SIL1: variants seen among roughly 807,000 people sequenced by gnomAD.
SIL1 encodes the protein nucleotide exchange factor SIL1.
In SIL1, 40 loss-of-function variants were observed where a neutral mutation model predicts 49.1. That is an observed-to-expected ratio of 0.81 (90% confidence interval 0.63 to 1.06). The LOEUF (loss-of-function observed/expected upper bound fraction) is 1.06. Among genes scored for constraint, SIL1 ranks in the 50% least tolerant of loss-of-function variants. SIL1 has a pLI of 0.00. For synonymous variants in SIL1, 253 were observed against 250.8 expected (o/e 1.01, Z -0.08); for missense variants, 500 against 572.6 (o/e 0.87, Z 1.29).
intron 1 of SIL1, among the ~76,000 whole-genome samples, chr5:139,130,647 A>C (rs917133651): frequency 2.0e-5 from 3 of 152,234 alleles, no homozygotes. Flanking sequence ...CAAAGAATTG[A>C]AAACAGGGAC....
chr5:139,088,797 A>G (rs1184201596), intron 3 of SIL1, among the ~76,000 whole-genome samples: 2 of 152,138 alleles, frequency 1.3e-5, no homozygotes, highest in African/African-American at 2.4e-5. Flanking sequence ...AAACCTAACC[A>G]TTTTAGCCTA....
intron 7 of SIL1, among the ~76,000 whole-genome samples, chr5:138,969,458 C>T (rs902434257): frequency 2.6e-5 from 4 of 152,236 alleles, no homozygotes; most frequent in Non-Finnish European, 4.4e-5. Context: ...CTTTCCATGC[C>T]TCTGTCAGGT....
chr5:139,149,893 C>A (rs1751264459), intron 1 of SIL1, among the ~76,000 whole-genome samples: 1 of 152,064 alleles, frequency 6.6e-6, no homozygotes, highest in Non-Finnish European at 1.5e-5. Context: ...AGATAGAGTT[C>A]AAACACATAG....
At chr5:139,145,078 T>C (rs1751167154) in intron 1 of SIL1, among the ~76,000 whole-genome samples, 1 of 152,124 alleles carries the variant, frequency 6.6e-6, no homozygotes, top group African/African-American at 2.4e-5. Context: ...TGAAACAAAA[T>C]ATTTGCAAAT....
At chr5:138,982,345 A>G (rs1767545558) in intron 7 of SIL1, among the ~76,000 whole-genome samples, 1 of 152,102 alleles carries the variant, frequency 6.6e-6, no homozygotes, top group South Asian at 2.1e-4. Context: ...AATCCTCCCA[A>G]CCACCAGCAA....
At chr5:139,122,855 T>G (rs1750674351) in intron 2 of SIL1, among the ~76,000 whole-genome samples, 1 of 152,134 alleles carries the variant, frequency 6.6e-6, no homozygotes, top group Non-Finnish European at 1.5e-5. Flanking sequence ...ACCTGGGAGA[T>G]GTAATATGCA....
chr5:138,989,742 T>C (rs1183998640), intron 7 of SIL1, among the ~76,000 whole-genome samples: 1 of 152,174 alleles, frequency 6.6e-6, no homozygotes, highest in African/African-American at 2.4e-5. Flanking sequence ...TCACAGTTCA[T>C]AGTGAGTTAC....
Position 138,947,043 on chromosome 5 carries a change from G to A in SIL1, c.*74C>T. On this transcript the variant is annotated 3_prime_UTR_variant, in exon 10 of 10. Transcript: ENST00000394817. This position sits in a 1 kb window ranked among gnomAD's most constrained non-coding sequence, Gnocchi z 4.1. ...GCCAGCACTGCCAAGATGTCCTCCT[G>A]CCTGAGAAGCCCACCCACGCTGGCA... The A allele has an allele frequency of 8.7e-7, 1 of 1,156,032 alleles. No individual in the cohort carries two copies. The highest frequency in any genetic ancestry group is 1.3e-6 in the Non-Finnish European group (1 of 782,244). The allele number at this position is 1,156,032 out of a possible 1,614,324, so 71.6% of individuals were successfully genotyped here.
chr5:138,989,507 A>C (rs1206318784), intron 7 of SIL1, among the ~76,000 whole-genome samples: 1 of 152,208 alleles, frequency 6.6e-6, no homozygotes, highest in Admixed American at 6.5e-5. Flanking sequence ...GTCACTACAC[A>C]TATCTGAGGG....
At chr5:139,085,663 G>T (rs1425988425) in intron 3 of SIL1, among the ~76,000 whole-genome samples, 1 of 152,188 alleles carries the variant, frequency 6.6e-6, no homozygotes, top group African/African-American at 2.4e-5. Context: ...GGAAGAACAA[G>T]TTTGGAGGGA....
chr5:139,039,628 T>C (rs1768994887), intron 5 of SIL1, among the ~76,000 whole-genome samples: 1 of 152,244 alleles, frequency 6.6e-6, no homozygotes, highest in Admixed American at 6.5e-5. Context: ...GCCAGTCTGC[T>C]GCCTTCTGAC....
chr5:138,955,413 TGG>T (rs1766880767), intron 7 of SIL1, among the ~76,000 whole-genome samples: 1 of 152,032 alleles, frequency 6.6e-6, no homozygotes, highest in South Asian at 2.1e-4. Flanking sequence ...TGCAGGGAGA[TGG>T]GCTGGGGGTG....
intron 1 of SIL1, among the ~76,000 whole-genome samples, chr5:139,136,577 A>G (rs1187007230): frequency 6.6e-6 from 1 of 152,204 alleles, no homozygotes; most frequent in Admixed American, 6.5e-5. Context: ...AGGTCAAAAG[A>G]GTGGAGAATC....
chr5:138,972,219 C>T (rs898060504), intron 7 of SIL1, among the ~76,000 whole-genome samples: 3 of 152,326 alleles, frequency 2.0e-5, no homozygotes, highest in South Asian at 4.1e-4. Flanking sequence ...ACCTGGGGCC[C>T]GCCGAAAGCA....
intron 7 of SIL1, among the ~76,000 whole-genome samples, chr5:138,957,998 A>G (rs1259988267): frequency 6.6e-6 from 1 of 151,846 alleles, no homozygotes; most frequent in Non-Finnish European, 1.5e-5. Context: ...GCTTCAAGCA[A>G]TCCTCCCGCC....
At chr5:139,147,613 C>G (rs903793049) in intron 1 of SIL1, among the ~76,000 whole-genome samples, 1 of 152,172 alleles carries the variant, frequency 6.6e-6, no homozygotes, top group African/African-American at 2.4e-5. Flanking sequence ...ATTTCAGCAG[C>G]TGTAAATTAT....
intron 3 of SIL1, among the ~76,000 whole-genome samples, chr5:139,059,467 A>T (rs11952020): frequency 0.42 from 63,686 of 152,046 alleles, 14,155 homozygotes; most frequent in African/African-American, 0.58. Flanking sequence ...GCAGCATGGA[A>T]ACTAATATAT....
chr5:139,185,754 G>GCA (rs1752067409), intron 1 of SIL1, among the ~76,000 whole-genome samples: 1 of 152,200 alleles, frequency 6.6e-6, no homozygotes, highest in South Asian at 2.1e-4. Context: ...TTCTACTGGA[G>GCA]ATGGGGATAT....
At chr5:139,112,740 C>T (rs1331135716) in intron 3 of SIL1, among the ~76,000 whole-genome samples, 24 of 151,568 alleles carry the variant, frequency 1.6e-4, no homozygotes, top group Non-Finnish European at 2.8e-4. Context: ...TCTGCCCGGC[C>T]GCCCCTTCTG....
Sources: gnomAD v4.1 joint callset for allele counts (sites outside exome capture counted in the v4.1 genomes callset) on GRCh38, gnomAD v4.1.1 for gene constraint, Gnocchi (gnomAD v3.1) non-coding constraint, MANE v1.5 for transcripts, NCBI Gene and HGNC (gene_info 2026-07-23, HGNC 2026-07-21) for gene names.